Variants in CAPZB observed in about 807,000 individuals in gnomAD.
CAPZB encodes the protein F-actin-capping protein subunit beta.
CAPZB carries 2 observed loss-of-function variants against 38.1 expected under a neutral mutation model. The ratio of observed to expected loss-of-function variants is 0.05; its 90% CI spans 0.02 to 0.17. The LOEUF is 0.17. Ranked by LOEUF, CAPZB falls within the 10% of genes least tolerant of loss-of-function variation. The pLI is 1.00. For missense variants in CAPZB, 161 were observed against 334.2 expected, an observed-to-expected ratio of 0.48 and a Z score of 4.04; for synonymous variants, 107 against 127.4, an observed-to-expected ratio of 0.84 and a Z score of 1.08.
chr1:19,460,771 G>A lies in CAPZB; in HGVS notation c.3+24665C>T, dbSNP rs139255862. Among the ~76,000 whole-genome samples, 40 of 151,984 alleles carry A rather than the reference G, an allele frequency of 2.6e-4. No homozygotes were observed. In the East Asian group the frequency reaches 6.4e-3, roughly 24 times the overall value. On this transcript the variant is annotated intron_variant, in intron 1 of 8. Coordinates refer to ENST00000264202, the MANE Select transcript of CAPZB (RefSeq NM_004930.5). Reference sequence around the variant, plus strand: ...CGGGGTCTTGGCACACATTCCCCACGGATAGGGGAGGATGGCTGTATCACT... The same window carrying A: ...CGGGGTCTTGGCACACATTCCCCACAGATAGGGGAGGATGGCTGTATCACT...
At chr1:19,441,620 A>G (rs1202386811) in intron 1 of CAPZB, among the ~76,000 whole-genome samples, 1 of 151,680 alleles carries the variant, frequency 6.6e-6, no homozygotes, top group Non-Finnish European at 1.5e-5. Context: ...AAGAAGCATC[A>G]CATCACATCT....
chr1:19,405,767 C>G (rs1247917725), intron 2 of CAPZB, among the ~76,000 whole-genome samples: 4 of 152,192 alleles, frequency 2.6e-5, no homozygotes, highest in Non-Finnish European at 5.9e-5. Context: ...GGCCGGCTGT[C>G]AGATGATCCC....
chr1:19,482,873 G>A (rs1474164761), intron 1 of CAPZB, among the ~76,000 whole-genome samples: 2 of 152,216 alleles, frequency 1.3e-5, no homozygotes, highest in African/African-American at 2.4e-5. Context: ...AATGGTCAGA[G>A]TATTCAAATA....
intron 3 of CAPZB, among the ~76,000 whole-genome samples, chr1:19,383,595 C>A (rs1416178680): frequency 1.3e-5 from 2 of 152,200 alleles, no homozygotes; most frequent in Non-Finnish European, 2.9e-5. Flanking sequence ...CTGTGACCAG[C>A]AGTTCCAGGC....
At chr1:19,365,125 T>TAA (rs2094076236) in intron 4 of CAPZB, among the ~76,000 whole-genome samples, 1 of 152,304 alleles carries the variant, frequency 6.6e-6, no homozygotes, top group East Asian at 1.9e-4. Context: ...ATTATAGGCA[T>TAA]AAGTCACCGT....
At chr1:19,351,272 C>T (rs2093990189) in intron 6 of CAPZB, among the ~76,000 whole-genome samples, 1 of 151,512 alleles carries the variant, frequency 6.6e-6, no homozygotes, top group South Asian at 2.1e-4. Flanking sequence ...TGAGCCACTG[C>T]ACCCGATCTT....
intron 2 of CAPZB, among the ~76,000 whole-genome samples, chr1:19,399,127 G>C (rs1251535171): frequency 6.6e-6 from 1 of 151,992 alleles, no homozygotes; most frequent in African/African-American, 2.4e-5. Context: ...CGAAGTGCTG[G>C]GATTACAGGC....
At chr1:19,436,671 TAAGG>T (rs386629218) in intron 1 of CAPZB, among the ~76,000 whole-genome samples, 35,217 of 151,904 alleles carry the variant, frequency 0.23, 4,405 homozygotes, top group Non-Finnish European at 0.28. Context: ...CCCCCATAGC[TAAGG>T]AGGGACAACT....
intron 1 of CAPZB, among the ~76,000 whole-genome samples, chr1:19,423,573 G>A (rs539829198): frequency 1.4e-5 from 2 of 142,186 alleles, no homozygotes; most frequent in Admixed American, 1.5e-4. Context: ...CGCCCAGGCT[G>A]GACTGTAGTG....
At chr1:19,410,482 A>T (rs2100433675) in intron 2 of CAPZB, among the ~76,000 whole-genome samples, 1 of 152,282 alleles carries the variant, frequency 6.6e-6, no homozygotes, top group East Asian at 1.9e-4. Flanking sequence ...CAAAGTGTGT[A>T]TGGGTGGGGG....
intron 6 of CAPZB, among the ~76,000 whole-genome samples, chr1:19,346,815 GTCT>G (rs2093963775): frequency 7.9e-6 from 1 of 126,374 alleles, no homozygotes; most frequent in Non-Finnish European, 1.7e-5. Context: ...CCCGACTTTT[GTCT>G]TTTTTTTTTT....
chr1:19,450,048 G>A (rs975134787), intron 1 of CAPZB, among the ~76,000 whole-genome samples: 1 of 150,292 alleles, frequency 6.7e-6, no homozygotes, highest in African/African-American at 2.4e-5. Context: ...GGAGGCTGAG[G>A]TGGGAGGACT....
intron 1 of CAPZB, among the ~76,000 whole-genome samples, chr1:19,423,252 G>A (rs1402647346): frequency 6.6e-6 from 1 of 152,188 alleles, no homozygotes; most frequent in Non-Finnish European, 1.5e-5. Flanking sequence ...AGCAACATGG[G>A]AAAGCTTAAT....
At chr1:19,371,242 G>T (rs1325657476) in intron 4 of CAPZB, among the ~76,000 whole-genome samples, 1 of 152,124 alleles carries the variant, frequency 6.6e-6, no homozygotes, top group Non-Finnish European at 1.5e-5. Flanking sequence ...CTTCTCGCAT[G>T]ATCACGAAGC....
At position 19,475,162 on chromosome 1, in the gene CAPZB, G is replaced by A. The variant is rs145194850; in HGVS notation, c.3+10274C>T. 2.0e-3 allele frequency among the ~76,000 whole-genome samples: 306 copies of A among 152,236 alleles called. 5 individuals carry two copies. In the South Asian group the frequency reaches 0.024, roughly 12 times the overall value. On this transcript the variant is annotated intron_variant, in intron 1 of 8. Transcript: ENST00000264202. The stretch of plus-strand genomic sequence containing the variant: ...AATAATTATGGTTAACACTTGCCTG[G>A]CTTTACACATATTAACTCATTTAAT...
intron 2 of CAPZB, among the ~76,000 whole-genome samples, chr1:19,385,959 A>G (rs1468884386): frequency 6.6e-6 from 1 of 152,214 alleles, no homozygotes; most frequent in Non-Finnish European, 1.5e-5. Context: ...TGGTGGGCAA[A>G]GTACAAGCTG....
chr1:19,436,891 A>G lies in CAPZB; in HGVS notation c.4-17141T>C, dbSNP rs549666969. On this transcript the variant is annotated intron_variant, in intron 1 of 8. Transcript: ENST00000264202. The stretch of plus-strand genomic sequence containing the variant: ...CTGGCCTTCTGCCAACCTCCAGAAA[A>G]CAGTGCTGGACTCTGTGTACCCGCA... 4.6e-5 allele frequency among the ~76,000 whole-genome samples: 7 copies of G among 152,334 alleles called. No individual in the cohort carries two copies. The South Asian group carries it at 1.4e-3, about 32-fold the overall frequency.
rs2094648419 is a variant in CAPZB at position 19,485,483 on chromosome 1, T to C, written c.-45A>G. 1 of 1,224,044 alleles carries C rather than the reference T, an allele frequency of 8.2e-7. No individual in the cohort carries two copies. Among genetic ancestry groups the C allele is most frequent in the Non-Finnish European group, 1.0e-6 (1 of 983,732 alleles). The allele number at this position is 1,224,044 out of a possible 1,614,324, so 75.8% of individuals were successfully genotyped here. A position where few individuals can be genotyped will look rare whatever the true frequency, so the allele number is the denominator to read the frequency against. On this transcript the variant is annotated 5_prime_UTR_variant, in exon 1 of 9. Coordinates refer to ENST00000264202, the MANE Select transcript of CAPZB (RefSeq NM_004930.5). ...GTCCCGGTCCCGGCGTCAGTGGCTC[T>C]CCCCCCCGCAGCAGGGCCCGGCGCT... is the stretch of plus-strand genomic sequence containing the variant.
chr1:19,476,864 G>T (rs1051223374), intron 1 of CAPZB, among the ~76,000 whole-genome samples: 12 of 152,254 alleles, frequency 7.9e-5, no homozygotes, highest in Admixed American at 2.0e-4. Context: ...CTCGGCCCCA[G>T]TTTCCTCATC....
Sources: gnomAD v4.1 joint callset for allele counts (sites outside exome capture counted in the v4.1 genomes callset) on GRCh38, gnomAD v4.1.1 for gene constraint, MANE v1.5 for transcripts, NCBI Gene and HGNC (gene_info 2026-07-23, HGNC 2026-07-21) for gene names.